The following ASXL3 variants were observed in gnomAD, a reference collection of about 807,000 sequenced individuals.
ASXL3 encodes putative Polycomb group protein ASXL3.
In ASXL3, 34 loss-of-function variants were observed where a neutral mutation model predicts 170.6. The observed-to-expected ratio is 0.20, with a 90% CI of 0.15 to 0.27. The LOEUF is 0.27. ASXL3 is among the 10% of genes least tolerant of loss of function. The pLI is 1.00. For synonymous variants in ASXL3, 1,002 were observed against 989.1 expected (o/e 1.01, Z -0.24); for missense variants, 2,592 against 2,695.3 (o/e 0.96, Z 0.85).
intron 2 of ASXL3, among the ~76,000 whole-genome samples, chr18:33,617,322 C>A (rs1012202147): frequency 6.6e-5 from 10 of 152,014 alleles, no homozygotes; most frequent in African/African-American, 2.4e-4. Flanking sequence ...TGAAACCCAT[C>A]TCTACTAAAA....
intron 2 of ASXL3, among the ~76,000 whole-genome samples, chr18:33,613,560 A>G (rs2065372173): frequency 6.6e-6 from 1 of 152,130 alleles, no homozygotes; most frequent in Non-Finnish European, 1.5e-5. Context: ...TCGTATTTGT[A>G]TACTGTAGTC....
chr18:33,629,107 G>A (rs1197376633), intron 2 of ASXL3, among the ~76,000 whole-genome samples: 1 of 151,938 alleles, frequency 6.6e-6, no homozygotes, highest in East Asian at 1.9e-4. Context: ...CCCCCCACAC[G>A]CCAAAAGAAG....
At chr18:33,731,778 C>G (rs553448319) in intron 8 of ASXL3, among the ~76,000 whole-genome samples, 190 bp from the exon 9 acceptor site, 1 of 152,098 alleles carries the variant, frequency 6.6e-6, no homozygotes, top group Non-Finnish European at 1.5e-5. Context: ...TCCTCTCCGC[C>G]TCCTACCCTG....
chr18:33,606,431 A>G (rs1483200246), intron 1 of ASXL3, among the ~76,000 whole-genome samples: 1 of 151,958 alleles, frequency 6.6e-6, no homozygotes, highest in Non-Finnish European at 1.5e-5. Context: ...AAAGGTTAGG[A>G]TGGGCAGGCT....
chr18:33,699,248 T>C (rs1568335249), intron 8 of ASXL3, among the ~76,000 whole-genome samples: 1 of 152,102 alleles, frequency 6.6e-6, no homozygotes, highest in Non-Finnish European at 1.5e-5. Flanking sequence ...AAGCAGGCAT[T>C]GTAAATATCT....
At chr18:33,727,379 A>G (rs2067369489) in intron 8 of ASXL3, among the ~76,000 whole-genome samples, 1 of 152,170 alleles carries the variant, frequency 6.6e-6, no homozygotes. Context: ...CAAACATTGT[A>G]TGATATGCAA....
Position 33,595,518 on chromosome 18 carries a change from A to C in ASXL3, c.55-12076A>C, listed in dbSNP as rs567567922. 2.6e-5 allele frequency among the ~76,000 whole-genome samples: 4 copies of C among 152,330 alleles called. No individual in the cohort carries two copies. The East Asian group carries it at 7.7e-4, about 29-fold the overall frequency. On this transcript the variant is annotated intron_variant, in intron 1 of 11. Transcript: ENST00000269197. ...ATTGGTCATGAAACTTTGGTCATCT[A>C]ACCAATTTAATGAAAAGGAGAGTTT...
At chr18:33,604,907 G>T (rs2065227285) in intron 1 of ASXL3, among the ~76,000 whole-genome samples, 1 of 151,970 alleles carries the variant, frequency 6.6e-6, no homozygotes, top group Non-Finnish European at 1.5e-5. Flanking sequence ...GGAGGAGGGG[G>T]CAGATGTTAA....
intron 9 of ASXL3, 45 bp downstream of exon 9, chr18:33,732,109 A>G (rs757363000): frequency 1.4e-6 from 2 of 1,460,156 alleles, no homozygotes; most frequent in Non-Finnish European, 1.9e-6. Context: ...TGGAGTACAC[A>G]TACCGTACTG....
In ASXL3 at chr18:33,644,900, C is replaced by T; in HGVS notation, c.144C>T (p.Thr48=). The change falls in exon 3 of 12, where the codon ACC becomes ACT. Residue 48 remains threonine, a synonymous_variant. Transcript: ENST00000269197. ...QKEGLKETSG[T]SPLACLNAML... is the part of the protein sequence containing the mutation. ...GCACACTTTTATTTTCTAGTGGAAC[C>T]TCTCCATTAGCCTGTCTGAATGCAA... 5.1e-6 allele frequency: 8 copies of T among 1,559,116 alleles called. No homozygotes were observed. Among genetic ancestry groups the T allele is most frequent in the Non-Finnish European group, 7.0e-6 (8 of 1,147,402 alleles).
chr18:33,693,585 G>T (rs1042206279), intron 8 of ASXL3, among the ~76,000 whole-genome samples: 1 of 152,118 alleles, frequency 6.6e-6, no homozygotes, highest in Admixed American at 6.6e-5. Context: ...AGAGTAAAAA[G>T]GCCGTGAAAA....
chr18:33,734,580 GCACT>G (rs1452371802), intron 10 of ASXL3, among the ~76,000 whole-genome samples, 165 bp downstream of exon 10: 1 of 152,074 alleles, frequency 6.6e-6, no homozygotes, highest in Non-Finnish European at 1.5e-5. Flanking sequence ...TGGGATATCA[GCACT>G]CAAATTTTTA....
intron 1 of ASXL3, among the ~76,000 whole-genome samples, chr18:33,580,062 C>G (rs1294747530): frequency 6.6e-6 from 1 of 152,176 alleles, no homozygotes; most frequent in Non-Finnish European, 1.5e-5. Flanking sequence ...TTTTTAATTG[C>G]AATCTAGTTA....
intron 1 of ASXL3, among the ~76,000 whole-genome samples, chr18:33,584,261 T>C (rs574728402): frequency 1.3e-5 from 2 of 151,858 alleles, no homozygotes; most frequent in African/African-American, 4.8e-5. Flanking sequence ...ACCAGAAGAC[T>C]TGGGGGGGCA....
chr18:33,748,861 G>T lies in ASXL3; in HGVS notation c.*2266G>T, dbSNP rs1039161735. ...AGAAACTCCAGTCTACAGAACCTTT[G>T]CACTCAGTATGTGAGGTACAATTGA... On this transcript the variant is annotated 3_prime_UTR_variant, in exon 12 of 12. Transcript: ENST00000269197. The T allele has an allele frequency of 1.3e-5, 2 of 152,176 alleles. No homozygotes were observed. The highest frequency in any genetic ancestry group is 4.8e-5 in the African/African-American group (2 of 41,432). The allele number at this position is 152,176 out of a possible 1,614,324, so 9.4% of individuals were successfully genotyped here. A position where few individuals can be genotyped will look rare whatever the true frequency, so the allele number is the denominator to read the frequency against.
chr18:33,581,577 TATA>T (rs1376539856), intron 1 of ASXL3, among the ~76,000 whole-genome samples: 1 of 152,116 alleles, frequency 6.6e-6, no homozygotes, highest in Non-Finnish European at 1.5e-5. Flanking sequence ...AAAGCTTATG[TATA>T]AATGTGGCTT....
At chr18:33,721,900 A>C (rs184092083) in intron 8 of ASXL3, among the ~76,000 whole-genome samples, 97 of 152,114 alleles carry the variant, frequency 6.4e-4, no homozygotes, top group African/African-American at 2.0e-3. Flanking sequence ...TGTCTGTGTC[A>C]CATTTTGGTA....
At chr18:33,705,160 T>C (rs1032669910) in intron 8 of ASXL3, among the ~76,000 whole-genome samples, 2 of 151,688 alleles carry the variant, frequency 1.3e-5, no homozygotes. Flanking sequence ...ATTAATATTT[T>C]TGTTTTCTGG....
intron 8 of ASXL3, among the ~76,000 whole-genome samples, chr18:33,686,717 A>T (rs1425616331): frequency 6.6e-6 from 1 of 152,196 alleles, no homozygotes; most frequent in East Asian, 1.9e-4. Context: ...TGATGGCCTG[A>T]TTGTAGGCTA....
Sources: allele counts gnomAD v4.1 joint callset (sites outside exome capture counted in the v4.1 genomes callset), GRCh38; gene constraint gnomAD v4.1.1; transcripts MANE v1.5; gene names NCBI Gene and HGNC (gene_info 2026-07-23, HGNC 2026-07-21).